Variants in RALGPS1 observed in about 807,000 individuals in gnomAD.
The protein encoded by RALGPS1 is Ral GEF with PH domain and SH3 binding motif 1.
Under a neutral mutation model 78.8 loss-of-function variants are expected in RALGPS1, and 19 were observed. The observed-to-expected ratio is 0.24, with a 90% CI of 0.17 to 0.35. The LOEUF (loss-of-function observed/expected upper bound fraction) is 0.35, where lower values mean the gene tolerates loss of function less well. Ranked by LOEUF, RALGPS1 falls within the 10% of genes least tolerant of loss-of-function variation. The probability of loss-of-function intolerance (pLI) is 1.00; values close to 1 mark genes in which losing one functional copy is unlikely to be tolerated. For synonymous variants in RALGPS1, 228 were observed against 256.3 expected, an observed-to-expected ratio of 0.89 and a Z score of 1.06; for missense variants, 454 against 688.3, an observed-to-expected ratio of 0.66 and a Z score of 3.81.
intron 7 of RALGPS1, among the ~76,000 whole-genome samples, chr9:127,063,501 A>G (rs2049395729): frequency 6.6e-6 from 1 of 152,162 alleles, no homozygotes; most frequent in Non-Finnish European, 1.5e-5. Flanking sequence ...GCTTTTTATT[A>G]GAAATTTTAC....
At chr9:126,956,465 C>G (rs999602344) in intron 1 of RALGPS1, among the ~76,000 whole-genome samples, 7 of 152,134 alleles carry the variant, frequency 4.6e-5, no homozygotes, top group African/African-American at 7.2e-5. Context: ...TTGTCGGGGG[C>G]GAGACATGCC....
intron 8 of RALGPS1, among the ~76,000 whole-genome samples, chr9:127,109,440 A>ATG (rs1437042650): frequency 1.3e-5 from 2 of 152,250 alleles, no homozygotes; most frequent in Non-Finnish European, 2.9e-5. Flanking sequence ...CAGTGGAAGG[A>ATG]TGTGTCCAGT....
intron 17 of RALGPS1, among the ~76,000 whole-genome samples, chr9:127,213,380 T>A (rs1588603256): frequency 6.6e-6 from 1 of 152,126 alleles, no homozygotes; most frequent in Non-Finnish European, 1.5e-5. Context: ...GCTGGAAGGG[T>A]CTTGGCTCTG....
At chr9:127,190,103 C>G (rs567445519) in intron 11 of RALGPS1, among the ~76,000 whole-genome samples, 19 of 152,340 alleles carry the variant, frequency 1.2e-4, no homozygotes, top group African/African-American at 4.3e-4. Context: ...GGGAAGGCCT[C>G]TCACCCCCAT....
intron 7 of RALGPS1, among the ~76,000 whole-genome samples, chr9:127,059,397 T>G (rs1249595208): frequency 6.6e-6 from 1 of 152,186 alleles, no homozygotes; most frequent in East Asian, 1.9e-4. Context: ...TGGAACTGCT[T>G]CTCAGAAGAT....
At chr9:127,201,247 C>T (rs895739020) in intron 14 of RALGPS1, among the ~76,000 whole-genome samples, 2 of 152,224 alleles carry the variant, frequency 1.3e-5, no homozygotes, top group Admixed American at 6.5e-5. Context: ...GGCGCAGATG[C>T]CCGGCTCTGC....
chr9:127,052,607 C>A (rs140341836), intron 6 of RALGPS1, among the ~76,000 whole-genome samples: 150 of 152,356 alleles, frequency 9.8e-4, no homozygotes, highest in African/African-American at 3.0e-3. Flanking sequence ...TCAAACCTTA[C>A]CCCGTGCCAC....
rs140010517 is a variant in RALGPS1 at position 126,953,687 on chromosome 9, T to C, written c.-65-8538T>C. On this transcript the variant is annotated intron_variant, in intron 1 of 18. Transcript: ENST00000259351. ...GTCTGATAAATTGTCTCAATGACAA[T>C]GATCAGACTGTGTATGAGCTCCTAG... Among the ~76,000 whole-genome samples, 63 of 152,334 alleles carry C rather than the reference T, an allele frequency of 4.1e-4. 1 individual carries two copies. The highest frequency in any genetic ancestry group is 1.5e-3 in the African/African-American group (62 of 41,572).
At chr9:127,061,839 A>G (rs1589264713) in intron 7 of RALGPS1, among the ~76,000 whole-genome samples, 1 of 152,282 alleles carries the variant, frequency 6.6e-6, no homozygotes, top group African/African-American at 2.4e-5. Flanking sequence ...CTCTCTGCCC[A>G]CCGCCAGACC....
chr9:126,968,435 ACT>A (rs1195243582), intron 3 of RALGPS1, among the ~76,000 whole-genome samples: 4 of 152,084 alleles, frequency 2.6e-5, no homozygotes, highest in Non-Finnish European at 5.9e-5. Context: ...CAGGTCTGAA[ACT>A]CTCATCTCCT....
At chr9:126,983,046 C>T (rs1303605565) in intron 4 of RALGPS1, among the ~76,000 whole-genome samples, 2 of 146,190 alleles carry the variant, frequency 1.4e-5, no homozygotes, top group African/African-American at 5.0e-5. Flanking sequence ...AAACAATTCT[C>T]CTGCCTCAGC....
chr9:127,103,766 A>C (rs1020146280), intron 8 of RALGPS1, among the ~76,000 whole-genome samples: 1 of 152,218 alleles, frequency 6.6e-6, no homozygotes, highest in East Asian at 1.9e-4. Flanking sequence ...GGAACGTGGT[A>C]CCAGGAAGTA....
chr9:127,060,061 G>A (rs751416115), intron 7 of RALGPS1, among the ~76,000 whole-genome samples: 1 of 152,218 alleles, frequency 6.6e-6, no homozygotes, highest in African/African-American at 2.4e-5. Flanking sequence ...CAGAGAAACT[G>A]CTGTGTATAA....
At chr9:127,191,940 G>T (rs1394338912) in intron 11 of RALGPS1, among the ~76,000 whole-genome samples, 1 of 152,076 alleles carries the variant, frequency 6.6e-6, no homozygotes, top group African/African-American at 2.4e-5. Flanking sequence ...CTTGTGATCT[G>T]CCCGCCTCGG....
rs532214126 is a variant in RALGPS1, at chr9:127,082,859, CCCTAT to C, written c.610+13505_610+13509del. 2.8e-4 allele frequency among the ~76,000 whole-genome samples: 42 copies of C among 152,210 alleles called. No individual in the cohort carries two copies. In the South Asian group the frequency reaches 8.5e-3, roughly 31 times the overall value. On this transcript the variant is annotated intron_variant, in intron 8 of 18. Transcript: ENST00000259351. The stretch of plus-strand genomic sequence containing the variant: ...CCACATGAAAATACAGCTAAGAAGA[CCCTAT>C]CAGTGAGAACCCTGTTGCCCCCTGT...
At position 126,920,856 on chromosome 9, in the gene RALGPS1, G is replaced by A. The variant is rs368701104; in HGVS notation, c.-66+5881G>A. Among the ~76,000 whole-genome samples the A allele has an allele frequency of 7.9e-5, 12 of 152,190 alleles. No individual in the cohort carries two copies. The East Asian group carries it at 2.3e-3, about 29-fold the overall frequency. ...TTGGCCATAACAGAGAACCTCTCAT[G>A]AAGTGGCCAAGCAGTTTCAGGCTCG... On this transcript the variant is annotated intron_variant, in intron 1 of 18. Coordinates refer to ENST00000259351, the MANE Select transcript of RALGPS1 (RefSeq NM_014636.3).
At position 127,179,264 on chromosome 9, in the gene RALGPS1, C is replaced by T. The variant is rs532258966; in HGVS notation, c.910+4482C>T. Reference sequence around the variant, plus strand: ...AGGAGTGCCTGGAAGGTTTCAGACACACTCGGGGGTCCCAGCTTCCCACTA... The same window carrying T: ...AGGAGTGCCTGGAAGGTTTCAGACATACTCGGGGGTCCCAGCTTCCCACTA... On this transcript the variant is annotated intron_variant, in intron 11 of 18. Coordinates refer to ENST00000259351, the MANE Select transcript of RALGPS1 (RefSeq NM_014636.3). 5.9e-5 allele frequency among the ~76,000 whole-genome samples: 9 copies of T among 152,342 alleles called. No individual in the cohort carries two copies. In the East Asian group the frequency reaches 1.7e-3, roughly 29 times the overall value.
chr9:127,181,562 T>C (rs1292981216), intron 11 of RALGPS1, among the ~76,000 whole-genome samples: 1 of 152,254 alleles, frequency 6.6e-6, no homozygotes, highest in African/African-American at 2.4e-5. Flanking sequence ...CAGTCACTTT[T>C]GAGTCACACA....
chr9:127,033,748 C>T (rs1315463677), intron 4 of RALGPS1, among the ~76,000 whole-genome samples: 1 of 152,200 alleles, frequency 6.6e-6, no homozygotes, highest in Non-Finnish European at 1.5e-5. Flanking sequence ...TTGTGTCCAG[C>T]TTTTATCCCT....
Sources: gnomAD v4.1 joint callset for allele counts (sites outside exome capture counted in the v4.1 genomes callset) on GRCh38, gnomAD v4.1.1 for gene constraint, MANE v1.5 for transcripts, NCBI Gene and HGNC (gene_info 2026-07-23, HGNC 2026-07-21) for gene names.